The following ZFHX3 variants were observed in gnomAD, a reference collection of about 807,000 sequenced individuals.
ZFHX3 encodes the protein zinc finger homeobox 3, also known as zinc finger homeobox protein 3.
ZFHX3 carries 42 observed loss-of-function variants against 279.1 expected under a neutral mutation model. That is an observed-to-expected ratio of 0.15 (90% CI 0.12 to 0.19). The LOEUF (loss-of-function observed/expected upper bound fraction) is 0.19, where lower values mean the gene tolerates loss of function less well. ZFHX3 is among the 10% of genes least tolerant of loss of function. The pLI is 1.00. For synonymous variants in ZFHX3, 2,293 were observed against 1,957.8 expected (o/e 1.17, Z -4.52); for missense variants, 4,981 against 4,754.0 (o/e 1.05, Z -1.40).
chr16:73,284,694 C>T (rs2014549389), intron 4 of ZFHX3, among the ~76,000 whole-genome samples: 1 of 152,044 alleles, frequency 6.6e-6, no homozygotes, highest in South Asian at 2.1e-4. Flanking sequence ...CATAGTATTC[C>T]ACTGCACAGA....
chr16:73,484,460 C>T (rs1015011805), intron 2 of ZFHX3, among the ~76,000 whole-genome samples: 1 of 152,092 alleles, frequency 6.6e-6, no homozygotes, highest in Non-Finnish European at 1.5e-5. Flanking sequence ...ATTCCATGTC[C>T]CTGGGAGCTG....
chr16:72,841,251 T>C (rs1295661902), intron 4 of ZFHX3, among the ~76,000 whole-genome samples: 1 of 152,190 alleles, frequency 6.6e-6, no homozygotes, highest in African/African-American at 2.4e-5. Flanking sequence ...TCCCCAAGCA[T>C]GCATCAGTTT....
intron 5 of ZFHX3, among the ~76,000 whole-genome samples, chr16:73,237,190 T>A (rs1044761514): frequency 6.6e-6 from 1 of 152,192 alleles, no homozygotes; most frequent in Non-Finnish European, 1.5e-5. Context: ...CATTTTAGTA[T>A]TTTTCATAGG....
intron 1 of ZFHX3, among the ~76,000 whole-genome samples, chr16:73,039,468 C>T (rs1037065823): frequency 2.0e-5 from 3 of 152,098 alleles, no homozygotes; most frequent in South Asian, 2.1e-4. Flanking sequence ...TAACTGGAGG[C>T]GATTTTGCCT....
At chr16:73,405,820 G>A (rs1274950766) in intron 3 of ZFHX3, among the ~76,000 whole-genome samples, 2 of 152,216 alleles carry the variant, frequency 1.3e-5, no homozygotes, top group African/African-American at 4.8e-5. Context: ...GTAAACAGAT[G>A]ACTGGAGGCT....
intron 2 of ZFHX3, among the ~76,000 whole-genome samples, chr16:73,539,049 G>A (rs542062581): frequency 1.3e-4 from 20 of 152,214 alleles, no homozygotes; most frequent in Admixed American, 1.2e-3. Context: ...GTATGTAGGG[G>A]GAAATGACAG....
chr16:73,403,405 C>T (rs2017297192), intron 3 of ZFHX3, among the ~76,000 whole-genome samples: 1 of 152,180 alleles, frequency 6.6e-6, no homozygotes, highest in Non-Finnish European at 1.5e-5. Flanking sequence ...CATTAGCCCG[C>T]TTTGCGGTAT....
At chr16:72,912,470 A>G (rs1422818192) in intron 3 of ZFHX3, among the ~76,000 whole-genome samples, 1 of 152,176 alleles carries the variant, frequency 6.6e-6, no homozygotes, top group Non-Finnish European at 1.5e-5. Context: ...ATACATCTGA[A>G]AAGAAACTTA....
chr16:73,318,753 A>C (rs967534679), intron 3 of ZFHX3, among the ~76,000 whole-genome samples: 1 of 152,206 alleles, frequency 6.6e-6, no homozygotes, highest in African/African-American at 2.4e-5. Flanking sequence ...AACTAACGGT[A>C]TAATATCTTT....
intron 1 of ZFHX3, among the ~76,000 whole-genome samples, chr16:73,737,792 T>C (rs1192398442): frequency 6.6e-6 from 1 of 152,212 alleles, no homozygotes; most frequent in Non-Finnish European, 1.5e-5. Flanking sequence ...CTCTTTTTCC[T>C]GTGGTTTTGT....
At chr16:72,861,745 T>A (rs2037894651) in intron 4 of ZFHX3, among the ~76,000 whole-genome samples, 1 of 152,212 alleles carries the variant, frequency 6.6e-6, no homozygotes, top group Non-Finnish European at 1.5e-5. Context: ...CTGGGCATGG[T>A]GGCTCATGCC....
intron 1 of ZFHX3, among the ~76,000 whole-genome samples, chr16:73,036,432 G>A (rs1964909495): frequency 6.6e-6 from 1 of 152,178 alleles, no homozygotes; most frequent in Admixed American, 6.5e-5. Context: ...GGGAAAAGGA[G>A]TTTAGGAAGA....
intron 3 of ZFHX3, among the ~76,000 whole-genome samples, chr16:73,376,869 G>C (rs2016731215): frequency 6.6e-6 from 1 of 152,000 alleles, no homozygotes; most frequent in African/African-American, 2.4e-5. Flanking sequence ...TTACTAAGCT[G>C]CCAATATATT....
chr16:72,905,461 G>T (rs2039145203), intron 3 of ZFHX3, among the ~76,000 whole-genome samples: 1 of 152,020 alleles, frequency 6.6e-6, no homozygotes, highest in African/African-American at 2.4e-5. Flanking sequence ...TATTTACATA[G>T]GTTTACTATC....
chr16:73,797,343 C>G (rs16972586), intron 1 of ZFHX3, among the ~76,000 whole-genome samples: 1 of 152,210 alleles, frequency 6.6e-6, no homozygotes, highest in African/African-American at 2.4e-5. Flanking sequence ...TCAGGTTACA[C>G]ATTTGCAGCA....
At chr16:73,798,826 T>A (rs56137513) in intron 1 of ZFHX3, among the ~76,000 whole-genome samples, 2,757 of 152,232 alleles carry the variant, frequency 0.018, 97 homozygotes, top group African/African-American at 0.061. Flanking sequence ...TCATGGGACG[T>A]GTTTGGAGGG....
At chr16:73,865,734 C>A (rs955194218) in intron 1 of ZFHX3, among the ~76,000 whole-genome samples, 1 of 151,846 alleles carries the variant, frequency 6.6e-6, no homozygotes, top group Non-Finnish European at 1.5e-5. Flanking sequence ...AATCCCAGCA[C>A]TTTGAGAGGC....
chr16:72,840,138 C>T (rs74925718), intron 4 of ZFHX3, among the ~76,000 whole-genome samples: 2,669 of 151,488 alleles, frequency 0.018, 73 homozygotes, highest in African/African-American at 0.059. Flanking sequence ...AAAAAAAATC[C>T]GTTTCCTTAT....
chr16:73,862,783 C>G (rs1961917035), intron 1 of ZFHX3, among the ~76,000 whole-genome samples: 1 of 151,962 alleles, frequency 6.6e-6, no homozygotes, highest in South Asian at 2.1e-4. Context: ...TACAATCAAT[C>G]AATCAATCAA....
Sources: allele counts gnomAD v4.1 joint callset (sites outside exome capture counted in the v4.1 genomes callset), GRCh38; gene constraint gnomAD v4.1.1; transcripts MANE v1.5; gene names NCBI Gene and HGNC (gene_info 2026-07-23, HGNC 2026-07-21).